TPCN2: variants seen among roughly 807,000 people sequenced by gnomAD.
TPCN2 encodes the protein two pore segment channel 2.
TPCN2 carries 92 observed loss-of-function variants against 111.4 expected under a neutral mutation model. The observed-to-expected ratio is 0.83, with a 90% CI of 0.70 to 0.98. The LOEUF is 0.98. Among genes scored for constraint, TPCN2 ranks in the 50% least tolerant of loss-of-function variants. The pLI is 0.00. For missense variants in TPCN2, 995 were observed against 980.1 expected (o/e 1.02, Z -0.20); for synonymous variants, 405 against 414.5 (o/e 0.98, Z 0.28).
chr11:69,075,317 C>G (rs1017504709), intron 13 of TPCN2, among the ~76,000 whole-genome samples: 8 of 152,306 alleles, frequency 5.3e-5, no homozygotes, highest in Non-Finnish European at 1.0e-4. Context: ...GATACAAAAT[C>G]CATGGATGTT....
chr11:69,065,961 T>C (rs1405106302), intron 7 of TPCN2, among the ~76,000 whole-genome samples: 2 of 151,498 alleles, frequency 1.3e-5, no homozygotes, highest in East Asian at 1.9e-4. Flanking sequence ...ATGCCTAGGG[T>C]CTGGAGCTGA....
intron 18 of TPCN2, 75 bp downstream of exon 18, chr11:69,081,574 C>A: frequency 8.4e-7 from 1 of 1,191,200 alleles, no homozygotes; most frequent in South Asian, 1.4e-5. Flanking sequence ...GTGGGTGAGC[C>A]TGGGGCAGGA....
chr11:69,052,220 C>T (rs958705379), intron 1 of TPCN2, among the ~76,000 whole-genome samples: 2 of 152,100 alleles, frequency 1.3e-5, no homozygotes, highest in African/African-American at 4.8e-5. Flanking sequence ...TGTCTCTTGT[C>T]TAAGAAGCTT....
intron 8 of TPCN2, among the ~76,000 whole-genome samples, chr11:69,069,920 G>T (rs961213268): frequency 6.6e-6 from 1 of 152,274 alleles, no homozygotes; most frequent in African/African-American, 2.4e-5. Flanking sequence ...CGTCCTGGAG[G>T]GTGTGCGAGC....
intron 1 of TPCN2, among the ~76,000 whole-genome samples, chr11:69,049,706 C>T (rs1263543962): frequency 2.0e-5 from 3 of 152,186 alleles, no homozygotes; most frequent in Non-Finnish European, 1.5e-5. Flanking sequence ...GGGCGGCTTC[C>T]TCTCCTTGCC....
chr11:69,076,603 G>GCCA (rs1855765314), intron 13 of TPCN2, among the ~76,000 whole-genome samples: 1 of 92,144 alleles, frequency 1.1e-5, no homozygotes, highest in African/African-American at 4.4e-5. Flanking sequence ...CCCTCCTGCC[G>GCCA]TGTCCCTCCA....
At position 69,087,240 on chromosome 11, in the gene TPCN2, C is replaced by G. The variant is rs1343256716; in HGVS notation, c.2180+34C>G. Reference sequence around the variant, plus strand: ...GTGGGGAAGGCGCTTCTGTCTGGCCCCCTGGGATGGGAAGCCAAGAGCTGG... The same window carrying G: ...GTGGGGAAGGCGCTTCTGTCTGGCCGCCTGGGATGGGAAGCCAAGAGCTGG... On this transcript the variant is annotated intron_variant, in intron 24 of 24. Coordinates refer to ENST00000294309, the MANE Select transcript of TPCN2 (RefSeq NM_139075.4). 2.5e-6 allele frequency: 4 copies of G among 1,599,918 alleles called. No homozygotes were observed. In the African/African-American group the frequency reaches 4.0e-5, roughly 16 times the overall value.
intron 13 of TPCN2, among the ~76,000 whole-genome samples, chr11:69,076,563 ACCTGCCCTCCTGCTCTGTCCCT>A: frequency 2.3e-5 from 1 of 43,144 alleles, no homozygotes; most frequent in East Asian, 3.5e-4. Flanking sequence ...CTGTCCCTCC[ACCTGCCCTCCTGCTCTGTCCCT>A]CCACCTGCCC....
intron 22 of TPCN2, among the ~76,000 whole-genome samples, 164 bp downstream of exon 22, chr11:69,086,094 C>T (rs1221086809): frequency 6.6e-6 from 1 of 152,206 alleles, no homozygotes; most frequent in Non-Finnish European, 1.5e-5. Flanking sequence ...TTGCCTTGTC[C>T]CTGCCCCCTG....
chr11:69,079,789 A>G (rs1855930033), intron 16 of TPCN2, 45 bp from the exon 17 acceptor site: 1 of 1,584,256 alleles, frequency 6.3e-7, no homozygotes, highest in South Asian at 1.1e-5. Context: ...GGCCGCCCAG[A>G]TTAGTGTTGC....
chr11:69,057,786 C>A, intron 5 of TPCN2, 92 bp downstream of exon 5: 1 of 1,190,066 alleles, frequency 8.4e-7, no homozygotes, highest in Non-Finnish European at 1.3e-6. Context: ...AGCCCTGAGC[C>A]CGCCAGCCAT....
intron 7 of TPCN2, among the ~76,000 whole-genome samples, chr11:69,065,711 G>T (rs2134563136): frequency 6.6e-6 from 1 of 152,356 alleles, no homozygotes; most frequent in Middle Eastern, 3.4e-3. Context: ...TCCTCTGCTG[G>T]CTTTGCTCGT....
intron 17 of TPCN2, among the ~76,000 whole-genome samples, chr11:69,080,616 G>A (rs945598343): frequency 6.6e-6 from 1 of 152,210 alleles, no homozygotes; most frequent in African/African-American, 2.4e-5. Flanking sequence ...TGTGTGCTGT[G>A]TCATCCACCC....
intron 13 of TPCN2, among the ~76,000 whole-genome samples, chr11:69,075,198 A>G (rs993608414): frequency 5.9e-5 from 9 of 152,306 alleles, no homozygotes; most frequent in Admixed American, 4.6e-4. Context: ...GGGAGCCACA[A>G]TAGCCTTAAT....
intron 2 of TPCN2, 110 bp from the exon 3 acceptor site, chr11:69,054,611 T>G (rs2134518315): frequency 1.9e-6 from 2 of 1,039,310 alleles, no homozygotes; most frequent in East Asian, 2.5e-5. Flanking sequence ...AAGCGTCCCC[T>G]GTGATCCACA....
intron 13 of TPCN2, among the ~76,000 whole-genome samples, chr11:69,077,040 C>T (rs2134609558): frequency 1.2e-5 from 1 of 83,682 alleles, no homozygotes. Context: ...CTGCCATGTC[C>T]CTCCACCTGC....
At chr11:69,065,166 G>A (rs1855216879) in intron 7 of TPCN2, among the ~76,000 whole-genome samples, 2 of 152,172 alleles carry the variant, frequency 1.3e-5, no homozygotes, top group Non-Finnish European at 2.9e-5. Flanking sequence ...GTGTGTGTTT[G>A]TGTGCCTGTC....
At chr11:69,058,782 C>T (rs1254020510) in intron 5 of TPCN2, among the ~76,000 whole-genome samples, 1 of 152,250 alleles carries the variant, frequency 6.6e-6, no homozygotes. Flanking sequence ...GCAGCCTCCT[C>T]CCTGCAAAGG....
intron 19 of TPCN2, 51 bp from the exon 20 acceptor site, chr11:69,085,159 T>C (rs2134642949): frequency 6.5e-7 from 1 of 1,533,930 alleles, no homozygotes; most frequent in Admixed American, 1.7e-5. Flanking sequence ...AGGGTGGTGG[T>C]GGGTGCACCC....
Sources: allele counts gnomAD v4.1 joint callset (sites outside exome capture counted in the v4.1 genomes callset), GRCh38; gene constraint gnomAD v4.1.1; transcripts MANE v1.5; gene names NCBI Gene and HGNC (gene_info 2026-07-23, HGNC 2026-07-21).